Variants in FHIT observed in about 807,000 individuals in gnomAD.
FHIT encodes bis(5'-adenosyl)-triphosphatase.
Under a neutral mutation model 17.9 loss-of-function variants are expected in FHIT, and 19 were observed. The observed-to-expected ratio is 1.06, with a 90% CI of 0.74 to 1.56. FHIT has a LOEUF of 1.56. Among genes scored for constraint, FHIT ranks in the 40% most tolerant of loss-of-function variants. FHIT has a pLI of 0.00. For missense variants in FHIT, 248 were observed against 189.2 expected (o/e 1.31, Z -1.82); for synonymous variants, 81 against 69.7 (o/e 1.16, Z -0.81).
intron 4 of FHIT, among the ~76,000 whole-genome samples, chr3:60,792,997 C>T (rs1700839187): frequency 6.6e-6 from 1 of 151,976 alleles, no homozygotes; most frequent in South Asian, 2.1e-4. Flanking sequence ...GGGCAGGTAT[C>T]CTTTTACTGA....
At chr3:59,920,900 G>C (rs1044829789) in intron 8 of FHIT, among the ~76,000 whole-genome samples, 1 of 152,150 alleles carries the variant, frequency 6.6e-6, no homozygotes, top group Non-Finnish European at 1.5e-5. Context: ...AACCCAGAGA[G>C]CCTATTCCCA....
chr3:60,062,403 T>G (rs1702329639), intron 5 of FHIT, among the ~76,000 whole-genome samples: 1 of 152,240 alleles, frequency 6.6e-6, no homozygotes, highest in Non-Finnish European at 1.5e-5. Flanking sequence ...AAGCACCTCC[T>G]ACATTCCAAG....
At chr3:60,874,675 C>T (rs1400584128) in intron 3 of FHIT, among the ~76,000 whole-genome samples, 1 of 152,158 alleles carries the variant, frequency 6.6e-6, no homozygotes, top group African/African-American at 2.4e-5. Flanking sequence ...CTGCGGGCCT[C>T]CTCTCCCAAG....
At chr3:60,687,831 C>T (rs1553698782) in intron 4 of FHIT, among the ~76,000 whole-genome samples, 1 of 152,050 alleles carries the variant, frequency 6.6e-6, no homozygotes, top group African/African-American at 2.4e-5. Flanking sequence ...TATTTTGAGG[C>T]TGTTACCAAG....
intron 3 of FHIT, among the ~76,000 whole-genome samples, chr3:60,961,441 C>A (rs1431156389): frequency 1.3e-5 from 2 of 152,142 alleles, no homozygotes; most frequent in African/African-American, 2.4e-5. Flanking sequence ...TAATTAGATC[C>A]CATTTGTCAA....
chr3:61,019,692 A>G (rs1177901606), intron 3 of FHIT, among the ~76,000 whole-genome samples: 6 of 152,100 alleles, frequency 3.9e-5, no homozygotes, highest in South Asian at 2.1e-4. Flanking sequence ...TCTTTTCTCT[A>G]TGGCTTTAAA....
chr3:60,677,197 TA>T (rs1447695774), intron 4 of FHIT, among the ~76,000 whole-genome samples: 1 of 152,152 alleles, frequency 6.6e-6, no homozygotes. Context: ...TTACGTAAAT[TA>T]AAGGGGTACA....
At chr3:61,215,842 A>G (rs1047393326) in intron 1 of FHIT, among the ~76,000 whole-genome samples, 2 of 152,224 alleles carry the variant, frequency 1.3e-5, no homozygotes, top group African/African-American at 4.8e-5. Context: ...ATAATGCCGC[A>G]TATCTGCAAC....
At chr3:60,511,517 T>A (rs1576788126) in intron 5 of FHIT, among the ~76,000 whole-genome samples, 1 of 152,180 alleles carries the variant, frequency 6.6e-6, no homozygotes, top group African/African-American at 2.4e-5. Context: ...TTGAGGGTAC[T>A]ATAGGGTCTT....
intron 3 of FHIT, among the ~76,000 whole-genome samples, chr3:60,988,960 A>C (rs2029916336): frequency 1.3e-5 from 2 of 148,260 alleles, no homozygotes; most frequent in Admixed American, 1.3e-4. Flanking sequence ...AAAAAAAAAA[A>C]AAAAAAAAAA....
chr3:60,047,050 G>A (rs35226385), intron 5 of FHIT, among the ~76,000 whole-genome samples: 14,116 of 152,200 alleles, frequency 0.093, 743 homozygotes, highest in Non-Finnish European at 0.11. Context: ...TAAATGCACT[G>A]AAGAGATTGC....
At chr3:60,484,216 G>A (rs183281509) in intron 5 of FHIT, among the ~76,000 whole-genome samples, 34 of 152,198 alleles carry the variant, frequency 2.2e-4, no homozygotes, top group Non-Finnish European at 4.1e-4. Flanking sequence ...TGGATAGAAG[G>A]AATCAGTATC....
At chr3:59,758,305 T>C (rs1035605259) in intron 8 of FHIT, among the ~76,000 whole-genome samples, 1 of 152,196 alleles carries the variant, frequency 6.6e-6, no homozygotes. Context: ...TACAGCACTG[T>C]TCCCTGATGA....
chr3:60,964,030 G>T (rs1287805026), intron 3 of FHIT, among the ~76,000 whole-genome samples: 1 of 152,160 alleles, frequency 6.6e-6, no homozygotes, highest in Non-Finnish European at 1.5e-5. Context: ...TGCCAGTGGA[G>T]TGTTAAAGTC....
chr3:60,361,008 C>T (rs1699885177), intron 5 of FHIT, among the ~76,000 whole-genome samples: 1 of 152,202 alleles, frequency 6.6e-6, no homozygotes, highest in African/African-American at 2.4e-5. Flanking sequence ...TCATATACCT[C>T]CCACTGCTTA....
At chr3:60,718,450 A>G (rs2041736666) in intron 4 of FHIT, among the ~76,000 whole-genome samples, 1 of 152,232 alleles carries the variant, frequency 6.6e-6, no homozygotes, top group South Asian at 2.1e-4. Flanking sequence ...GAAAACATGT[A>G]GATAAATCAG....
At chr3:60,296,603 T>G (rs958654056) in intron 5 of FHIT, among the ~76,000 whole-genome samples, 11 of 152,126 alleles carry the variant, frequency 7.2e-5, no homozygotes, top group African/African-American at 2.7e-4. Context: ...AGTCTGCAGC[T>G]TGTCTTTTTA....
At chr3:60,262,591 C>T (rs1384579714) in intron 5 of FHIT, among the ~76,000 whole-genome samples, 1 of 151,956 alleles carries the variant, frequency 6.6e-6, no homozygotes, top group Non-Finnish European at 1.5e-5. Flanking sequence ...TGTAACAAGG[C>T]CAGAAAGAGA....
intron 5 of FHIT, among the ~76,000 whole-genome samples, chr3:60,398,946 G>A (rs1701560701): frequency 6.6e-6 from 1 of 152,024 alleles, no homozygotes; most frequent in South Asian, 2.1e-4. Context: ...AATAAAAGGT[G>A]GAAAGTCTAT....
Sources: gnomAD v4.1 joint callset for allele counts (sites outside exome capture counted in the v4.1 genomes callset) on GRCh38, gnomAD v4.1.1 for gene constraint, MANE v1.5 for transcripts, NCBI Gene and HGNC (gene_info 2026-07-23, HGNC 2026-07-21) for gene names.